SP1: variants seen among roughly 807,000 people sequenced by gnomAD.
SP1 encodes the protein transcription factor Sp1.
In SP1, 6 loss-of-function variants were observed where a neutral mutation model predicts 66.3. That is an observed-to-expected ratio of 0.09 (90% CI 0.05 to 0.18). The LOEUF (loss-of-function observed/expected upper bound fraction) is 0.18, where lower values mean the gene tolerates loss of function less well. SP1 is among the 10% of genes least tolerant of loss of function. SP1 has a pLI of 1.00. For missense variants in SP1, 848 were observed against 964.5 expected (o/e 0.88, Z 1.60); for synonymous variants, 417 against 360.8 (o/e 1.16, Z -1.77).
At position 53,383,375 on chromosome 12, in the gene SP1, C is replaced by T. The variant is rs767159984; in HGVS notation, c.1428C>T (p.Asn476=). 2 of 1,614,218 alleles carry T rather than the reference C, an allele frequency of 1.2e-6. No homozygotes were observed. The highest frequency in any genetic ancestry group is 2.2e-5 in the East Asian group (1 of 44,888). Reference sequence around the variant, plus strand: ...AGCTGCAGAACCTCCAAGTTCAGAACCCACAAGCCCAAACAATCACCTTAG... The same window carrying T: ...AGCTGCAGAACCTCCAAGTTCAGAATCCACAAGCCCAAACAATCACCTTAG... ...TLQLQNLQVQ[N]PQAQTITLAP... is the part of the protein sequence containing the mutation. Residue 476 remains asparagine, a synonymous_variant, in exon 3 of 6, where the codon AAC becomes AAT. Coordinates refer to ENST00000327443, the MANE Select transcript of SP1 (RefSeq NM_138473.3).
chr12:53,404,758 C>G (rs1417016742), intron 3 of SP1, among the ~76,000 whole-genome samples: 1 of 151,560 alleles, frequency 6.6e-6, no homozygotes, highest in Non-Finnish European at 1.5e-5. Flanking sequence ...GCCTTAAACA[C>G]CTTGGCTCAA....
At chr12:53,405,905 A>G (rs533531997) in intron 3 of SP1, among the ~76,000 whole-genome samples, 1 of 151,984 alleles carries the variant, frequency 6.6e-6, no homozygotes, top group Admixed American at 6.6e-5. Context: ...ATGCTAAATG[A>G]CGAGTTAATG....
At chr12:53,403,972 C>G (rs1215988139) in intron 3 of SP1, among the ~76,000 whole-genome samples, 1 of 150,742 alleles carries the variant, frequency 6.6e-6, no homozygotes, top group Non-Finnish European at 1.5e-5. Context: ...GAGACCAAGA[C>G]CATCCTGGCT....
rs1160734794 is a variant in SP1, at chr12:53,409,486, A to G, written c.1969A>G (p.Met657Val). The G allele has an allele frequency of 1.2e-6, 2 of 1,614,136 alleles. No homozygotes were observed. Among genetic ancestry groups the G allele is most frequent in the African/African-American group, 1.3e-5 (1 of 75,038 alleles). The change falls in exon 5 of 6, where the codon ATG becomes GTG. Residue 657 changes from methionine (M) to valine (V), a missense_variant. Met to Val is a conservative substitution (Grantham distance 21, BLOSUM62 1). This residue lies in a region of SP1 where 39 missense variants were observed against 124.2 expected (regional missense o/e 0.31). Coordinates refer to ENST00000327443, the MANE Select transcript of SP1 (RefSeq NM_138473.3). ...CTGGCATACAGGCGAGAGGCCATTTATGTGTACCTGGTCATACTGTGGGAA... is the reference window on the plus strand; with the variant it reads ...CTGGCATACAGGCGAGAGGCCATTTGTGTGTACCTGGTCATACTGTGGGAA... ...LRWHTGERPF[M>V]CTWSYCGKRF... is the part of the protein sequence containing the mutation.
chr12:53,404,721 G>GCT lies in SP1; in HGVS notation c.1676-1863_1676-1862insTC, dbSNP rs1220935391. Among the ~76,000 whole-genome samples the GCT allele has an allele frequency of 2.3e-3, 351 of 150,508 alleles. 1 individual carries two copies. Among genetic ancestry groups the GCT allele is most frequent in the African/African-American group, 8.3e-3 (338 of 40,940 alleles). The stretch of plus-strand genomic sequence containing the variant: ...CTTGTTCTGTTGGCCAGGCTGGTGT[G>GCT]CAGTGATGTGATCATAGCTCACTGT... On this transcript the variant is annotated intron_variant, in intron 3 of 5. Coordinates refer to ENST00000327443, the MANE Select transcript of SP1 (RefSeq NM_138473.3).
rs1454885247 is a variant in SP1, at chr12:53,415,955, A to G, written c.*4715A>G. The G allele has an allele frequency of 6.6e-6, 1 of 152,484 alleles. No individual in the cohort carries two copies. Among genetic ancestry groups the G allele is most frequent in the Non-Finnish European group, 1.5e-5 (1 of 68,012 alleles). 9.4% of individuals were successfully genotyped at this position (152,484 alleles called of 1,614,324 possible). On this transcript the variant is annotated 3_prime_UTR_variant, in exon 6 of 6. Coordinates refer to ENST00000327443, the MANE Select transcript of SP1 (RefSeq NM_138473.3). ...GATACACTGAGATTGACCTGAGGAG[A>G]CATCTACACACACCAGTGGCAGCTG...
chr12:53,398,032 C>G (rs535911085), intron 3 of SP1, among the ~76,000 whole-genome samples: 1 of 152,110 alleles, frequency 6.6e-6, no homozygotes, highest in Non-Finnish European at 1.5e-5. Context: ...TCTTCTAGTG[C>G]AAAATGACAG....
At chr12:53,396,272 C>T (rs1441394722) in intron 3 of SP1, among the ~76,000 whole-genome samples, 3 of 141,476 alleles carry the variant, frequency 2.1e-5, no homozygotes, top group African/African-American at 7.9e-5. Flanking sequence ...CAGACTCCGT[C>T]TCAAAAAAAA....
chr12:53,387,407 G>C (rs1252573343), intron 3 of SP1, among the ~76,000 whole-genome samples: 1 of 152,176 alleles, frequency 6.6e-6, no homozygotes, highest in Non-Finnish European at 1.5e-5. Flanking sequence ...TAGGGGGAAA[G>C]TCTGCTTAAG....
At chr12:53,391,989 C>T (rs1938365239) in intron 3 of SP1, among the ~76,000 whole-genome samples, 2 of 151,956 alleles carry the variant, frequency 1.3e-5, no homozygotes, top group Non-Finnish European at 2.9e-5. Context: ...CTAAGTGTAT[C>T]TTTGAGTTGG....
chr12:53,388,976 T>TAAAAAAAAAA (rs1938288720), intron 3 of SP1, among the ~76,000 whole-genome samples: 1 of 107,114 alleles, frequency 9.3e-6, no homozygotes, highest in African/African-American at 3.6e-5. Context: ...TGAGTCCCTG[T>TAAAAAAAAAA]CAAAAAAAAA....
chr12:53,407,701 A>G (rs911239312), intron 4 of SP1, among the ~76,000 whole-genome samples: 3 of 150,368 alleles, frequency 2.0e-5, no homozygotes, highest in African/African-American at 4.9e-5. Flanking sequence ...CAGTGGCACA[A>G]TCTTGGCTCA....
At chr12:53,410,615 C>G (rs1165023848) in intron 5 of SP1, among the ~76,000 whole-genome samples, 1 of 152,032 alleles carries the variant, frequency 6.6e-6, no homozygotes, top group Non-Finnish European at 1.5e-5. Flanking sequence ...CGCCATTCTC[C>G]TGCCTCAGCC....
In SP1 at chr12:53,383,043, G is replaced by C; in HGVS notation, c.1096G>C (p.Asp366His). Reference protein sequence around the residue: ...PQRVSGLQGSDALNIQQNQTS... With the variant: ...PQRVSGLQGSHALNIQQNQTS... ...GAGGGTCAGTGGGCTACAGGGGTCT[G>C]ATGCTCTGAACATCCAGCAAAACCA... The change falls in exon 3 of 6, where the codon GAT (aspartate) becomes CAT (histidine). Residue 366 changes from aspartate to histidine, a missense_variant. Physicochemically the swap from Asp to His is moderately conservative, Grantham distance 81. Transcript: ENST00000327443. 6.2e-7 allele frequency: 1 copy of C among 1,614,186 alleles called. No homozygotes were observed. The highest frequency in any genetic ancestry group is 8.5e-7 in the Non-Finnish European group (1 of 1,180,032).
rs1938897744 is a variant in SP1 at position 53,411,923 on chromosome 12, G to C, written c.*683G>C. 6.6e-6 allele frequency: 1 copy of C among 152,126 alleles called. No individual in the cohort carries two copies. The highest frequency in any genetic ancestry group is 6.6e-5 in the Admixed American group (1 of 15,210). The allele number at this position is 152,126 out of a possible 1,614,324, so 9.4% of individuals were successfully genotyped here. ...TTCTTAATTTTGTCTTTTTGTTTGG[G>C]ATCAGCTTCTTGCACTCCTTCCCTA... On this transcript the variant is annotated 3_prime_UTR_variant, in exon 6 of 6. Transcript: ENST00000327443.
At chr12:53,404,248 T>C (rs1235285578) in intron 3 of SP1, among the ~76,000 whole-genome samples, 1 of 148,514 alleles carries the variant, frequency 6.7e-6, no homozygotes, top group Non-Finnish European at 1.5e-5. Flanking sequence ...CGAAGAATAT[T>C]ATCAGCCGGG....
At chr12:53,394,225 A>AG (rs2136902629) in intron 3 of SP1, among the ~76,000 whole-genome samples, 3 of 151,962 alleles carry the variant, frequency 2.0e-5, no homozygotes. Context: ...CGAGAAAAAA[A>AG]AAGAACGTAC....
Position 53,406,617 on chromosome 12 carries a change from G to A in SP1, c.1708G>A (p.Ala570Thr), listed in dbSNP as rs1565817290. ...DHGAQLGLHG[A>T]GGDGIHDDTA... ...TGGAGCTCAGCTTGGTCTCCATGGG[G>A]CTGGTGGTGATGGAATACATGATGA... The change falls in exon 4 of 6, where the codon GCT becomes ACT. Residue 570 changes from alanine (A) to threonine (T), a missense_variant. By Grantham distance (58) the Ala-to-Thr change is moderately conservative. Coordinates refer to ENST00000327443, the MANE Select transcript of SP1 (RefSeq NM_138473.3). The A allele has an allele frequency of 1.2e-6, 2 of 1,613,990 alleles. No homozygotes were observed. The highest frequency in any genetic ancestry group is 2.2e-5 in the South Asian group (2 of 91,076).
At chr12:53,410,351 T>G (rs558591116) in intron 5 of SP1, among the ~76,000 whole-genome samples, 6 of 152,060 alleles carry the variant, frequency 3.9e-5, no homozygotes, top group African/African-American at 1.4e-4. Context: ...TTGAGTGGGA[T>G]TTTTGAAGGT....
Sources: allele counts gnomAD v4.1 joint callset (sites outside exome capture counted in the v4.1 genomes callset), GRCh38; gene constraint gnomAD v4.1.1; regional missense constraint gnomAD v4.1.1; transcripts MANE v1.5; gene names NCBI Gene and HGNC (gene_info 2026-07-23, HGNC 2026-07-21).